Variants in VPS13D observed in about 807,000 individuals in gnomAD.
The protein encoded by VPS13D is vacuolar protein sorting 13 homolog D.
Under a neutral mutation model 461.9 loss-of-function variants are expected in VPS13D, and 187 were observed. That is an observed-to-expected ratio of 0.40 (90% confidence interval 0.36 to 0.46). The LOEUF (loss-of-function observed/expected upper bound fraction) is 0.46, where lower values mean the gene tolerates loss of function less well. Ranked by LOEUF, VPS13D falls within the 20% of genes least tolerant of loss-of-function variation. VPS13D has a pLI of 0.60. For missense variants in VPS13D, 4,711 were observed against 5,364.9 expected, an observed-to-expected ratio of 0.88 and a Z score of 3.81; for synonymous variants, 1,951 against 1,986.3, an observed-to-expected ratio of 0.98 and a Z score of 0.47.
intron 52 of VPS13D, among the ~76,000 whole-genome samples, chr1:12,364,581 C>T (rs1311371911): frequency 1.3e-5 from 2 of 152,182 alleles, no homozygotes; most frequent in Non-Finnish European, 2.9e-5. Flanking sequence ...AGTCATTGCA[C>T]CATTTTACTT....
chr1:12,292,338 T>C (rs1281920552), intron 23 of VPS13D, among the ~76,000 whole-genome samples: 1 of 151,156 alleles, frequency 6.6e-6, no homozygotes, highest in Admixed American at 6.6e-5. Context: ...ACCCTTTTTT[T>C]TTTCTTTTTT....
chr1:12,266,851 T>C, intron 13 of VPS13D, 30 bp from the exon 14 acceptor site: 1 of 1,511,166 alleles, frequency 6.6e-7, no homozygotes, highest in East Asian at 2.3e-5. Context: ...TCATAAGCAT[T>C]GTATCAACTA....
chr1:12,351,503 TG>T (rs1643792889), intron 46 of VPS13D, among the ~76,000 whole-genome samples: 1 of 152,068 alleles, frequency 6.6e-6, no homozygotes, highest in African/African-American at 2.4e-5. Flanking sequence ...TTGGCCAGGC[TG>T]GTCTCAAACT....
chr1:12,337,994 A>AG (rs1643486308), intron 39 of VPS13D: 1 of 409,298 alleles, frequency 2.4e-6, no homozygotes, highest in Admixed American at 3.5e-5. Flanking sequence ...TCAGGAAAAA[A>AG]AAAAAAAAAG....
At chr1:12,497,206 AAGGT>A (rs1209876179) in intron 67 of VPS13D, 2 of 210,184 alleles carry the variant, frequency 9.5e-6, no homozygotes, top group Non-Finnish European at 1.9e-5. Context: ...GCAGTCCTCT[AAGGT>A]AGGTGTCATC....
chr1:12,312,049 G>GATACGGCC, intron 29 of VPS13D, 124 bp downstream of exon 29: 1 of 723,738 alleles, frequency 1.4e-6, no homozygotes, highest in South Asian at 2.2e-5. Context: ...TCTGCAGAGT[G>GATACGGCC]TCTTTTGGTT....
chr1:12,285,513 C>T (rs771742027), intron 21 of VPS13D, among the ~76,000 whole-genome samples: 1 of 152,106 alleles, frequency 6.6e-6, no homozygotes, highest in Non-Finnish European at 1.5e-5. Flanking sequence ...TGGTCTCAAA[C>T]TCCTGACCTC....
intron 60 of VPS13D, among the ~76,000 whole-genome samples, chr1:12,389,362 C>T (rs1557750656): frequency 6.6e-6 from 1 of 152,148 alleles, no homozygotes; most frequent in Non-Finnish European, 1.5e-5. Flanking sequence ...ATCACAAGTC[C>T]ACCCTTTGTC....
intron 67 of VPS13D, among the ~76,000 whole-genome samples, chr1:12,477,901 C>G (rs1645654922): frequency 6.6e-6 from 1 of 152,130 alleles, no homozygotes; most frequent in Non-Finnish European, 1.5e-5. Flanking sequence ...GATCTGTCTC[C>G]TTTTTAGTGT....
At chr1:12,501,855 G>C (rs1337706931) in intron 68 of VPS13D, among the ~76,000 whole-genome samples, 1 of 152,238 alleles carries the variant, frequency 6.6e-6, no homozygotes, top group Non-Finnish European at 1.5e-5. Context: ...GGCGCTGGAT[G>C]AGTCGCCTGA....
chr1:12,335,438 T>C (rs565091766), intron 38 of VPS13D, among the ~76,000 whole-genome samples: 7 of 152,208 alleles, frequency 4.6e-5, no homozygotes, highest in Non-Finnish European at 7.3e-5. Context: ...GGGGATTTTA[T>C]TGAATCTATA....
At chr1:12,341,651 C>CTTCT in intron 40 of VPS13D, 129 bp from the exon 41 acceptor site, 1 of 760,440 alleles carries the variant, frequency 1.3e-6, no homozygotes, top group East Asian at 2.6e-5. Context: ...TGTCCTGTTC[C>CTTCT]TTCTTTCTTG....
chr1:12,441,585 T>C (rs1645131853), intron 65 of VPS13D, among the ~76,000 whole-genome samples: 1 of 152,160 alleles, frequency 6.6e-6, no homozygotes, highest in Non-Finnish European at 1.5e-5. Flanking sequence ...CAGGTCGAAG[T>C]TGAGAAGTCA....
chr1:12,244,499 A>T (rs1200831927), intron 4 of VPS13D, 38 bp from the exon 5 acceptor site: 1 of 1,614,022 alleles, frequency 6.2e-7, no homozygotes, highest in South Asian at 1.1e-5. Context: ...ATGAGCAAGA[A>T]CACTAGATTG....
In VPS13D at chr1:12,349,344, C is replaced by G; in HGVS notation, c.9401C>G (p.Ser3134Cys). The stretch of plus-strand genomic sequence containing the variant: ...AGTAGCAGTAAACGAGAGTGCCACT[C>G]TATGGACACAGAAAAAAGCCGATTT... The part of the protein sequence containing the change: ...EISSSKRECH[S>C]MDTEKSRFFR... Residue 3134 changes from serine to cysteine, a missense_variant, in exon 46 of 70, where the codon TCT becomes TGT. Coordinates refer to ENST00000620676, the MANE Select transcript of VPS13D (RefSeq NM_015378.4). 1 of 1,613,984 alleles carries G rather than the reference C, an allele frequency of 6.2e-7. No individual in the cohort carries two copies.
At position 12,256,227 on chromosome 1, in the gene VPS13D, C is replaced by T. The variant is rs1640916685; in HGVS notation, c.670-106C>T. ...AAAAATATTTGCCGCTGTGACACAG[C>T]CTATGGCTGAGCTCCACTGTTTGTC... On this transcript the variant is annotated intron_variant, in intron 7 of 69. Transcript: ENST00000620676. The T allele has an allele frequency of 1.1e-5, 15 of 1,309,652 alleles. No homozygotes were observed. The South Asian group carries it at 2.0e-4, about 17-fold the overall frequency. 81.1% of individuals were successfully genotyped at this position (1,309,652 alleles called of 1,614,324 possible).
intron 58 of VPS13D, among the ~76,000 whole-genome samples, chr1:12,383,694 A>G (rs1027892335): frequency 6.6e-6 from 1 of 152,206 alleles, no homozygotes; most frequent in Admixed American, 6.5e-5. Context: ...CTCAGTAATA[A>G]GCATGTTCAT....
chr1:12,284,911 G>T (rs1641916064), intron 21 of VPS13D, among the ~76,000 whole-genome samples: 1 of 152,184 alleles, frequency 6.6e-6, no homozygotes, highest in South Asian at 2.1e-4. Flanking sequence ...TAGCAAGGTG[G>T]ATGGAACCTG....
At chr1:12,433,968 G>T (rs1291222538) in intron 65 of VPS13D, among the ~76,000 whole-genome samples, 1 of 151,230 alleles carries the variant, frequency 6.6e-6, no homozygotes, top group Non-Finnish European at 1.5e-5. Context: ...GTGTGTGTGT[G>T]TGGAGGAGGA....
Sources: allele counts gnomAD v4.1 joint callset (sites outside exome capture counted in the v4.1 genomes callset), GRCh38; gene constraint gnomAD v4.1.1; transcripts MANE v1.5; gene names NCBI Gene and HGNC (gene_info 2026-07-23, HGNC 2026-07-21).